Variants in GPM6A observed in about 807,000 individuals in gnomAD.
GPM6A encodes the protein glycoprotein M6A, also known as neuronal membrane glycoprotein M6-a.
In GPM6A, 7 loss-of-function variants were observed where a neutral mutation model predicts 32.1. The ratio of observed to expected loss-of-function variants is 0.22; its 90% CI spans 0.12 to 0.41. GPM6A has a LOEUF of 0.41. GPM6A is among the 10% of genes least tolerant of loss of function. GPM6A has a pLI of 1.00. For synonymous variants in GPM6A, 130 were observed against 123.4 expected, an observed-to-expected ratio of 1.05 and a Z score of -0.35; for missense variants, 235 against 347.2, an observed-to-expected ratio of 0.68 and a Z score of 2.57.
upstream of GPM6A, among the ~76,000 whole-genome samples, chr4:175,814,743 G>T (rs569697556): frequency 5.9e-5 from 9 of 152,170 alleles, no homozygotes; most frequent in Non-Finnish European, 1.2e-4. Context: ...TAAGAGAGAT[G>T]CATACACATA....
chr4:175,891,568 T>G (rs1246757855), intron 1 of GPM6A: 1 of 152,212 alleles, frequency 6.6e-6, no homozygotes. Context: ...TGTACCGAAC[T>G]TATTCAAATA....
chr4:175,704,654 G>A (rs1273770806), intron 1 of GPM6A, among the ~76,000 whole-genome samples: 1 of 152,104 alleles, frequency 6.6e-6, no homozygotes, highest in African/African-American at 2.4e-5. Context: ...ATACCACATA[G>A]CCTCATGATT....
chr4:175,856,402 G>A (rs1041408470), intron 1 of GPM6A, among the ~76,000 whole-genome samples: 1 of 152,190 alleles, frequency 6.6e-6, no homozygotes, highest in Admixed American at 6.5e-5. Context: ...GCCATGGCAA[G>A]TGCTTTTGGG....
intron 5 of GPM6A, among the ~76,000 whole-genome samples, 191 bp from the exon 6 acceptor site, chr4:175,640,385 T>A (rs953296117): frequency 6.6e-6 from 1 of 152,156 alleles, no homozygotes; most frequent in Non-Finnish European, 1.5e-5. Flanking sequence ...TCCTTTCAAC[T>A]TCATCATTAT....
intron 1 of GPM6A, among the ~76,000 whole-genome samples, chr4:175,797,508 T>C (rs1174491355): frequency 1.9e-4 from 29 of 152,174 alleles, no homozygotes; most frequent in Admixed American, 1.9e-3. Flanking sequence ...GTTTTATTGT[T>C]ACATGCATTA....
At chr4:175,812,301 G>GTTTT (rs70962418), upstream of GPM6A, 56 of 793,096 alleles carry the variant, frequency 7.1e-5, 6 homozygotes, top group East Asian at 7.5e-4. Flanking sequence ...AAAACTGGGG[G>GTTTT]TTTTTTTTTT....
At position 175,659,972 on chromosome 4, in the gene GPM6A, T is replaced by C. The variant is rs192654605; in HGVS notation, c.388-7985A>G. 8.5e-5 allele frequency among the ~76,000 whole-genome samples: 13 copies of C among 152,348 alleles called. No homozygotes were observed. The East Asian group carries it at 2.5e-3, about 29-fold the overall frequency. On this transcript the variant is annotated intron_variant, in intron 3 of 6. Coordinates refer to ENST00000393658, the MANE Select transcript of GPM6A (RefSeq NM_201591.3). The stretch of plus-strand genomic sequence containing the variant: ...AAATATGACAAATAAAAGGCAACTG[T>C]TCACAATAATACAGTATTGACGTTA...
upstream of GPM6A, among the ~76,000 whole-genome samples, chr4:175,814,222 C>T (rs1735031933): frequency 6.6e-6 from 1 of 152,186 alleles, no homozygotes. Context: ...ATCTATAAAA[C>T]ATGATTACAT....
intron 1 of GPM6A, among the ~76,000 whole-genome samples, chr4:175,857,864 C>T (rs1736461164): frequency 6.6e-6 from 1 of 151,880 alleles, no homozygotes; most frequent in Admixed American, 6.6e-5. Flanking sequence ...ACTAGAGGTT[C>T]TAAATAGTGG....
intron 1 of GPM6A, among the ~76,000 whole-genome samples, chr4:175,713,001 C>A (rs1205294305): frequency 6.6e-6 from 1 of 152,098 alleles, no homozygotes; most frequent in African/African-American, 2.4e-5. Context: ...GAATTAGTGA[C>A]CGTGGGCTTG....
At chr4:175,686,519 G>C (rs764211490) in intron 2 of GPM6A, among the ~76,000 whole-genome samples, 8 of 152,192 alleles carry the variant, frequency 5.3e-5, no homozygotes, top group Non-Finnish European at 1.2e-4. Context: ...CGGAAGAAAA[G>C]AAGGTAATGT....
chr4:175,986,002 C>T (rs909692365), intron 1 of GPM6A, among the ~76,000 whole-genome samples: 1 of 151,992 alleles, frequency 6.6e-6, no homozygotes, highest in Non-Finnish European at 1.5e-5. Flanking sequence ...GATAGGGTTT[C>T]ACCATGTTGA....
chr4:175,964,111 G>C (rs1028866588), intron 1 of GPM6A, among the ~76,000 whole-genome samples: 1 of 151,640 alleles, frequency 6.6e-6, no homozygotes, highest in Non-Finnish European at 1.5e-5. Context: ...AAAAGAGAGA[G>C]AGAGAAAGAA....
intron 1 of GPM6A, among the ~76,000 whole-genome samples, chr4:175,878,218 C>T (rs1300158105): frequency 6.6e-6 from 1 of 152,152 alleles, no homozygotes; most frequent in Non-Finnish European, 1.5e-5. Context: ...ATGGTACAAG[C>T]CGTCAGTGGA....
chr4:175,673,464 AGTT>A (rs1046847331), intron 3 of GPM6A, among the ~76,000 whole-genome samples: 1 of 152,142 alleles, frequency 6.6e-6, no homozygotes, highest in African/African-American at 2.4e-5. Flanking sequence ...AAACAAAACT[AGTT>A]GTGCTACATA....
At chr4:175,657,497 T>C (rs189526981) in intron 3 of GPM6A, among the ~76,000 whole-genome samples, 3 of 152,308 alleles carry the variant, frequency 2.0e-5, no homozygotes, top group African/African-American at 7.2e-5. Context: ...GGAGTACATG[T>C]GTTGTGAAGA....
chr4:175,962,313 G>T, intron 1 of GPM6A: 1 of 1,066,330 alleles, frequency 9.4e-7, no homozygotes, highest in Non-Finnish European at 1.5e-6. Context: ...GAGTTTACTG[G>T]GTCCTGTGGC....
chr4:175,928,340 C>T (rs1229749996), intron 1 of GPM6A, among the ~76,000 whole-genome samples: 1 of 152,120 alleles, frequency 6.6e-6, no homozygotes, highest in Non-Finnish European at 1.5e-5. Flanking sequence ...GGAAAATTTC[C>T]TATGTGGGAA....
intron 1 of GPM6A, among the ~76,000 whole-genome samples, chr4:175,782,705 C>T (rs1334329648): frequency 1.3e-5 from 2 of 151,872 alleles, no homozygotes; most frequent in Non-Finnish European, 1.5e-5. Context: ...TACTTACATT[C>T]CATAAGTAGT....
Sources: allele counts gnomAD v4.1 joint callset (sites outside exome capture counted in the v4.1 genomes callset), GRCh38; gene constraint gnomAD v4.1.1; transcripts MANE v1.5; gene names NCBI Gene and HGNC (gene_info 2026-07-23, HGNC 2026-07-21).